PRKG1: variants seen among roughly 807,000 people sequenced by gnomAD.
The protein encoded by PRKG1 is protein kinase cGMP-dependent 1, also known as cGMP-dependent protein kinase 1.
PRKG1 carries 35 observed loss-of-function variants against 88.1 expected under a neutral mutation model. The observed-to-expected ratio is 0.40, with a 90% CI of 0.30 to 0.53. The LOEUF (loss-of-function observed/expected upper bound fraction) is 0.53, where lower values mean the gene tolerates loss of function less well. Ranked by LOEUF, PRKG1 falls within the 20% of genes least tolerant of loss-of-function variation. The probability of loss-of-function intolerance (pLI) is 0.59; values close to 1 mark genes in which losing one functional copy is unlikely to be tolerated. For missense variants in PRKG1, 540 were observed against 839.8 expected, an observed-to-expected ratio of 0.64 and a Z score of 4.41; for synonymous variants, 303 against 292.5, an observed-to-expected ratio of 1.04 and a Z score of -0.37.
chr10:52,204,672 T>G (rs978876548), intron 9 of PRKG1, among the ~76,000 whole-genome samples: 12 of 152,190 alleles, frequency 7.9e-5, no homozygotes, highest in African/African-American at 2.9e-4. Flanking sequence ...AATCTCTTAA[T>G]CCCATCATCT....
chr10:51,714,878 G>A (rs934564211), intron 3 of PRKG1, among the ~76,000 whole-genome samples: 35 of 152,258 alleles, frequency 2.3e-4, no homozygotes, highest in African/African-American at 8.2e-4. Flanking sequence ...CTTTATTAGA[G>A]AATTACATGC....
chr10:51,418,247 A>G (rs1274754238), intron 2 of PRKG1, among the ~76,000 whole-genome samples: 1 of 152,172 alleles, frequency 6.6e-6, no homozygotes, highest in Non-Finnish European at 1.5e-5. Flanking sequence ...AACTTTAGGT[A>G]GAATTGCAGA....
intron 3 of PRKG1, among the ~76,000 whole-genome samples, chr10:51,577,550 A>G (rs10998290): frequency 0.069 from 10,516 of 152,096 alleles, 1,197 homozygotes; most frequent in African/African-American, 0.24. Context: ...TTGCATCATG[A>G]TAGAGGATCT....
chr10:51,967,337 C>G (rs1003532373), intron 5 of PRKG1, among the ~76,000 whole-genome samples: 2 of 152,048 alleles, frequency 1.3e-5, no homozygotes, highest in Admixed American at 1.3e-4. Context: ...CACATGTTCT[C>G]ACTCATAGGT....
At chr10:51,114,583 TA>T (rs1196332102) in intron 1 of PRKG1, among the ~76,000 whole-genome samples, 1 of 152,160 alleles carries the variant, frequency 6.6e-6, no homozygotes, top group Non-Finnish European at 1.5e-5. Flanking sequence ...TTCAAACTTT[TA>T]AAAAAGAACC....
chr10:51,138,681 T>G (rs1313174902), intron 1 of PRKG1, among the ~76,000 whole-genome samples: 90 of 126,468 alleles, frequency 7.1e-4, no homozygotes, highest in African/African-American at 2.3e-3. Context: ...TTTTGTTTTT[T>G]TTTTTTTTTT....
intron 3 of PRKG1, among the ~76,000 whole-genome samples, chr10:51,782,905 G>A (rs910101370): frequency 1.1e-4 from 16 of 151,976 alleles, no homozygotes; most frequent in African/African-American, 1.7e-4. Flanking sequence ...TATCAGTAGC[G>A]TGAAAATGGA....
intron 2 of PRKG1, among the ~76,000 whole-genome samples, chr10:51,448,255 AACAAAACAAAAAAAGAAAAT>A (rs1839331616): frequency 6.6e-6 from 1 of 152,018 alleles, no homozygotes; most frequent in African/African-American, 2.4e-5. Flanking sequence ...TTCAAGAAAA[AACAAAACAAAAAAAGAAAAT>A]AAACAAAAAA....
chr10:52,057,629 G>A (rs1202150478), intron 6 of PRKG1, among the ~76,000 whole-genome samples: 1 of 152,090 alleles, frequency 6.6e-6, no homozygotes, highest in Non-Finnish European at 1.5e-5. Flanking sequence ...TGATTTTTCT[G>A]ATTCCATTCA....
chr10:51,539,809 A>G (rs951736911), intron 3 of PRKG1, among the ~76,000 whole-genome samples: 1 of 152,134 alleles, frequency 6.6e-6, no homozygotes, highest in African/African-American at 2.4e-5. Context: ...ATTTTTGACT[A>G]GTTTGTTGAT....
chr10:51,470,350 C>T (rs188276572), intron 3 of PRKG1, among the ~76,000 whole-genome samples: 10 of 151,794 alleles, frequency 6.6e-5, no homozygotes, highest in Admixed American at 3.9e-4. Flanking sequence ...TCCACTTGGG[C>T]GTAATAGTCT....
intron 1 of PRKG1, among the ~76,000 whole-genome samples, chr10:51,090,158 C>A (rs1479723663): frequency 6.6e-6 from 1 of 152,282 alleles, no homozygotes; most frequent in Non-Finnish European, 1.5e-5. Flanking sequence ...AATCCCCAGC[C>A]CAGTGCTCAA....
At chr10:52,272,254 G>T (rs1841747007) in intron 11 of PRKG1, 138 bp from the exon 12 acceptor site, 2 of 549,014 alleles carry the variant, frequency 3.6e-6, no homozygotes, top group African/African-American at 1.9e-5. Flanking sequence ...TTTTCCCCAT[G>T]TGTGGGCTTA....
At chr10:51,876,390 T>C (rs966044615) in intron 4 of PRKG1, among the ~76,000 whole-genome samples, 1 of 152,220 alleles carries the variant, frequency 6.6e-6, no homozygotes, top group Admixed American at 6.5e-5. Context: ...AATCTACCTG[T>C]TTATAAAAGA....
chr10:51,467,813 G>A lies in PRKG1; in HGVS notation c.569G>A (p.Cys190Tyr). 6.2e-7 allele frequency: 1 copy of A among 1,612,578 alleles called. No homozygotes were observed. Among genetic ancestry groups the A allele is most frequent in the Non-Finnish European group, 8.5e-7 (1 of 1,178,744 alleles). ...VFGELAILYN[C>Y]TRTATVKTLV... ...GGGGAATTGGCTATTCTTTACAACT[G>A]TACCCGGACAGCGACCGTCAAGAGT... Residue 190 changes from cysteine to tyrosine, a missense_variant, in exon 3 of 18, where the codon TGT (cysteine) becomes TAT (tyrosine). Physicochemically the swap from Cys to Tyr is radical, Grantham distance 194. Coordinates refer to ENST00000373980, the MANE Select transcript of PRKG1 (RefSeq NM_006258.4).
At chr10:51,530,220 A>G (rs1005559130) in intron 3 of PRKG1, among the ~76,000 whole-genome samples, 2 of 152,204 alleles carry the variant, frequency 1.3e-5, no homozygotes, top group African/African-American at 4.8e-5. Context: ...TATGTCTCAT[A>G]AGAATATCAT....
chr10:51,300,429 A>G (rs1311650978), intron 2 of PRKG1, among the ~76,000 whole-genome samples: 2 of 152,192 alleles, frequency 1.3e-5, no homozygotes, highest in Admixed American at 6.5e-5. Context: ...GGGTTACTGT[A>G]TTTAATGATT....
At chr10:51,553,933 TATTA>T (rs1286638377) in intron 3 of PRKG1, among the ~76,000 whole-genome samples, 2 of 135,572 alleles carry the variant, frequency 1.5e-5, no homozygotes, top group African/African-American at 5.6e-5. Flanking sequence ...TATATGTATG[TATTA>T]GATACGTGTA....
At chr10:51,825,430 G>A (rs143692446) in intron 4 of PRKG1, among the ~76,000 whole-genome samples, 1 of 152,230 alleles carries the variant, frequency 6.6e-6, no homozygotes, top group Non-Finnish European at 1.5e-5. Flanking sequence ...AGTACAGTAG[G>A]TGTTCCAAAT....
Sources: allele counts gnomAD v4.1 joint callset (sites outside exome capture counted in the v4.1 genomes callset), GRCh38; gene constraint gnomAD v4.1.1; transcripts MANE v1.5; gene names NCBI Gene and HGNC (gene_info 2026-07-23, HGNC 2026-07-21).